DLG2: variants seen among roughly 807,000 people sequenced by gnomAD.
The protein encoded by DLG2 is discs large MAGUK scaffold protein 2.
In DLG2, 45 loss-of-function variants were observed where a neutral mutation model predicts 132.5. That is an observed-to-expected ratio of 0.34 (90% CI 0.27 to 0.44). DLG2 has a LOEUF of 0.44. Among genes scored for constraint, DLG2 ranks in the 20% least tolerant of loss-of-function variants. The pLI is 1.00. For synonymous variants in DLG2, 424 were observed against 419.6 expected, an observed-to-expected ratio of 1.01 and a Z score of -0.13; for missense variants, 1,045 against 1,196.9, an observed-to-expected ratio of 0.87 and a Z score of 1.87.
chr11:85,051,019 G>A (rs779960523), intron 6 of DLG2, among the ~76,000 whole-genome samples: 13 of 152,076 alleles, frequency 8.5e-5, no homozygotes, highest in Non-Finnish European at 1.8e-4. Context: ...AAGCGCCAGT[G>A]CACCATGAAG....
At chr11:84,883,451 T>G (rs776261049) in intron 6 of DLG2, among the ~76,000 whole-genome samples, 5 of 151,546 alleles carry the variant, frequency 3.3e-5, no homozygotes, top group Non-Finnish European at 7.4e-5. Flanking sequence ...GTTCTGCACA[T>G]GTATCCCACA....
At chr11:84,263,690 A>G (rs116256036) in intron 7 of DLG2, among the ~76,000 whole-genome samples, 19 of 152,222 alleles carry the variant, frequency 1.2e-4, no homozygotes, top group African/African-American at 4.3e-4. Flanking sequence ...TCCCCTACTC[A>G]CCATAATTTG....
At chr11:83,987,494 CAG>C (rs556621736) in intron 11 of DLG2, among the ~76,000 whole-genome samples, 28 of 152,238 alleles carry the variant, frequency 1.8e-4, no homozygotes, top group African/African-American at 6.0e-4. Flanking sequence ...GGTACCAAAA[CAG>C]AGATATAGAT....
At chr11:83,520,824 G>A (rs927977449) in intron 21 of DLG2, among the ~76,000 whole-genome samples, 1 of 152,008 alleles carries the variant, frequency 6.6e-6, no homozygotes, top group Non-Finnish European at 1.5e-5. Flanking sequence ...TGTGTAGCTC[G>A]CATCTTAATG....
intron 18 of DLG2, among the ~76,000 whole-genome samples, chr11:83,695,930 G>A (rs996540622): frequency 1.3e-5 from 2 of 152,184 alleles, no homozygotes; most frequent in Admixed American, 1.3e-4. Flanking sequence ...AACCCAGCTG[G>A]AAAACAGACT....
chr11:84,014,071 T>C (rs1224159826), intron 11 of DLG2, among the ~76,000 whole-genome samples: 2 of 151,924 alleles, frequency 1.3e-5, no homozygotes, highest in Non-Finnish European at 2.9e-5. Flanking sequence ...CCTAGTAGAG[T>C]TGTGTATTTA....
intron 7 of DLG2, among the ~76,000 whole-genome samples, chr11:84,404,048 G>A (rs2098839956): frequency 6.6e-6 from 1 of 151,878 alleles, no homozygotes; most frequent in South Asian, 2.1e-4. Context: ...CTCCAATCCA[G>A]TCTCCAAATT....
At chr11:83,828,826 G>C (rs1380353857) in intron 17 of DLG2, among the ~76,000 whole-genome samples, 1 of 152,080 alleles carries the variant, frequency 6.6e-6, no homozygotes, top group Non-Finnish European at 1.5e-5. Context: ...TGTATTTTAA[G>C]TGTTACTGTC....
chr11:84,960,517 C>T (rs1254506967), intron 6 of DLG2, among the ~76,000 whole-genome samples: 1 of 151,382 alleles, frequency 6.6e-6, no homozygotes, highest in Non-Finnish European at 1.5e-5. Flanking sequence ...CTCACTGCAA[C>T]CTCCGCCTCC....
chr11:84,933,979 G>C (rs1439598357), intron 6 of DLG2, among the ~76,000 whole-genome samples: 6 of 152,156 alleles, frequency 3.9e-5, no homozygotes, highest in Non-Finnish European at 7.3e-5. Context: ...TGCCCATTCA[G>C]TACGATGTTG....
At chr11:84,308,675 C>T (rs1000475747) in intron 7 of DLG2, among the ~76,000 whole-genome samples, 2 of 152,054 alleles carry the variant, frequency 1.3e-5, no homozygotes, top group Non-Finnish European at 2.9e-5. Flanking sequence ...GGTCCCGAGC[C>T]CTGCCCCGCG....
intron 17 of DLG2, chr11:83,790,102 A>C: frequency 1.0e-6 from 1 of 976,464 alleles, no homozygotes. Flanking sequence ...GCATGAACCG[A>C]GACACTGGCT....
At chr11:84,262,635 G>T (rs1191719429) in intron 7 of DLG2, among the ~76,000 whole-genome samples, 1 of 151,996 alleles carries the variant, frequency 6.6e-6, no homozygotes, top group African/African-American at 2.4e-5. Flanking sequence ...CACTCGAGCA[G>T]TATACACTGC....
chr11:83,987,592 G>A (rs2154179953), intron 11 of DLG2, among the ~76,000 whole-genome samples: 1 of 152,174 alleles, frequency 6.6e-6, no homozygotes, highest in East Asian at 1.9e-4. Context: ...AACAAGCAAT[G>A]GGGAAATGAT....
intron 2 of DLG2, among the ~76,000 whole-genome samples, chr11:85,604,899 T>C (rs1407262162): frequency 6.6e-6 from 1 of 152,130 alleles, no homozygotes; most frequent in African/African-American, 2.4e-5. Flanking sequence ...TGATTGGCAA[T>C]AGTGCTAACA....
At chr11:84,655,619 G>A (rs539733366) in intron 6 of DLG2, among the ~76,000 whole-genome samples, 2 of 152,044 alleles carry the variant, frequency 1.3e-5, no homozygotes, top group African/African-American at 2.4e-5. Context: ...AGAAGATCTG[G>A]GTGTGACTCT....
intron 9 of DLG2, among the ~76,000 whole-genome samples, chr11:84,154,583 T>A (rs1481149636): frequency 6.6e-6 from 1 of 152,176 alleles, no homozygotes; most frequent in Non-Finnish European, 1.5e-5. Flanking sequence ...TGTGCTGTGT[T>A]GGTGTGCTGC....
At chr11:85,567,855 T>C (rs2077613623) in intron 3 of DLG2, among the ~76,000 whole-genome samples, 1 of 152,140 alleles carries the variant, frequency 6.6e-6, no homozygotes, top group Admixed American at 6.6e-5. Context: ...TTTTGTCAAA[T>C]GCTTTTTCTG....
At chr11:85,540,550 T>C (rs2075897432) in intron 3 of DLG2, among the ~76,000 whole-genome samples, 1 of 152,244 alleles carries the variant, frequency 6.6e-6, no homozygotes. Flanking sequence ...AATAAAACTT[T>C]GCAGCCATCC....
Sources: allele counts gnomAD v4.1 joint callset (sites outside exome capture counted in the v4.1 genomes callset), GRCh38; gene constraint gnomAD v4.1.1; transcripts MANE v1.5; gene names NCBI Gene and HGNC (gene_info 2026-07-23, HGNC 2026-07-21).